CDKAL1: variants seen among roughly 807,000 people sequenced by gnomAD.
CDKAL1 encodes the protein threonylcarbamoyladenosine tRNA methylthiotransferase.
Under a neutral mutation model 68.2 loss-of-function variants are expected in CDKAL1, and 32 were observed. That is an observed-to-expected ratio of 0.47 (90% CI 0.35 to 0.63). CDKAL1 has a LOEUF of 0.63. Ranked by LOEUF, CDKAL1 falls within the 30% of genes least tolerant of loss-of-function variation. The pLI is 0.00. For synonymous variants in CDKAL1, 234 were observed against 244.3 expected, an observed-to-expected ratio of 0.96 and a Z score of 0.39; for missense variants, 606 against 696.7, an observed-to-expected ratio of 0.87 and a Z score of 1.47.
chr6:20,868,078 G>T (rs553460691), intron 9 of CDKAL1, among the ~76,000 whole-genome samples: 1 of 151,918 alleles, frequency 6.6e-6, no homozygotes, highest in South Asian at 2.1e-4. Context: ...CTTATATTGC[G>T]GTTTAATTAG....
intron 13 of CDKAL1, among the ~76,000 whole-genome samples, chr6:21,182,562 G>A (rs1441915109): frequency 2.6e-5 from 4 of 152,092 alleles, no homozygotes; most frequent in Admixed American, 6.6e-5. Flanking sequence ...TAAACTTCAC[G>A]CTGTCCTGTG....
chr6:20,720,579 T>C (rs941403822), intron 5 of CDKAL1, among the ~76,000 whole-genome samples: 1 of 151,830 alleles, frequency 6.6e-6, no homozygotes, highest in Non-Finnish European at 1.5e-5. Flanking sequence ...TGATCTCGGC[T>C]CACGGCAACC....
chr6:20,595,399 T>C (rs1765778289), intron 4 of CDKAL1, among the ~76,000 whole-genome samples: 1 of 152,134 alleles, frequency 6.6e-6, no homozygotes, highest in African/African-American at 2.4e-5. Context: ...AATAATGGGT[T>C]ATTTCATTAA....
At chr6:20,859,820 A>C (rs568820288) in intron 9 of CDKAL1, among the ~76,000 whole-genome samples, 1 of 152,178 alleles carries the variant, frequency 6.6e-6, no homozygotes, top group Non-Finnish European at 1.5e-5. Flanking sequence ...TTTCCATTCC[A>C]GATTCATCCT....
intron 10 of CDKAL1, among the ~76,000 whole-genome samples, chr6:20,979,705 T>C (rs1273445296): frequency 6.6e-6 from 1 of 152,086 alleles, no homozygotes; most frequent in Non-Finnish European, 1.5e-5. Flanking sequence ...TTGACACTTT[T>C]GTTTGCTGTT....
rs1008118491 is a variant in CDKAL1 at position 20,534,466 on chromosome 6, T to G, written c.-158T>G. ...GTCGCTGAGCATGCGCAAATAAACGTGGCGGGACGTATGTGTCATGGCGCT... is the reference window on the plus strand; with the variant it reads ...GTCGCTGAGCATGCGCAAATAAACGGGGCGGGACGTATGTGTCATGGCGCT... On this transcript the variant is annotated 5_prime_UTR_variant, in exon 1 of 16. Transcript: ENST00000274695. The G allele has an allele frequency of 5.9e-5, 9 of 152,892 alleles. No homozygotes were observed. The highest frequency in any genetic ancestry group is 2.2e-4 in the African/African-American group (9 of 41,560). The allele number at this position is 152,892 out of a possible 1,614,324, so 9.5% of individuals were successfully genotyped here.
In CDKAL1 at chr6:20,749,420, C is replaced by T. The variant is rs963145073; in HGVS notation, c.469-9175C>T. On this transcript the variant is annotated intron_variant, in intron 6 of 15. Coordinates refer to ENST00000274695, the MANE Select transcript of CDKAL1 (RefSeq NM_017774.3). Reference sequence around the variant, plus strand: ...TGTGCTTACTCTTCTGCCGGAGGTTCGCATTGATGCCTCTGTCAGTGGTTC... The same window carrying T: ...TGTGCTTACTCTTCTGCCGGAGGTTTGCATTGATGCCTCTGTCAGTGGTTC... Among the ~76,000 whole-genome samples, 7 of 152,154 alleles carry T rather than the reference C, an allele frequency of 4.6e-5. No homozygotes were observed. The East Asian group carries it at 5.8e-4, about 13-fold the overall frequency.
intron 4 of CDKAL1, among the ~76,000 whole-genome samples, chr6:20,629,045 C>T (rs1767557395): frequency 6.6e-6 from 1 of 152,166 alleles, no homozygotes; most frequent in South Asian, 2.1e-4. Context: ...CTTCATTCAT[C>T]TTATTCCCTT....
rs539356071 is a variant in CDKAL1 at position 20,548,015 on chromosome 6, G to A, written c.174-578G>A. ...AGGAGTTGAACTTAGTAAGTTAGTA[G>A]TATGAATTTAAAATGCAATTCAGAG... On this transcript the variant is annotated intron_variant, in intron 3 of 15. Transcript: ENST00000274695. Among the ~76,000 whole-genome samples the A allele has an allele frequency of 1.1e-4, 17 of 152,234 alleles. No individual in the cohort carries two copies. In the East Asian group the frequency reaches 3.3e-3, roughly 29 times the overall value.
intron 12 of CDKAL1, among the ~76,000 whole-genome samples, chr6:21,074,322 A>G (rs1428318592): frequency 6.6e-6 from 1 of 152,080 alleles, no homozygotes; most frequent in Non-Finnish European, 1.5e-5. Context: ...CTGTCTTTAC[A>G]TGGCTGTTTT....
intron 12 of CDKAL1, among the ~76,000 whole-genome samples, chr6:21,067,471 G>T (rs1364097847): frequency 6.6e-6 from 1 of 152,140 alleles, no homozygotes; most frequent in African/African-American, 2.4e-5. Flanking sequence ...TATTAGCCGG[G>T]CGTGGTGGTG....
At chr6:21,212,268 C>G (rs1366024639) in intron 15 of CDKAL1, among the ~76,000 whole-genome samples, 1 of 152,072 alleles carries the variant, frequency 6.6e-6, no homozygotes, top group African/African-American at 2.4e-5. Context: ...GGCAGGGAAC[C>G]TACATGATAG....
chr6:20,937,860 GT>G (rs34741537), intron 9 of CDKAL1, among the ~76,000 whole-genome samples: 105,408 of 140,962 alleles, frequency 0.75, 38,941 homozygotes, highest in East Asian at 0.87. Context: ...CTGTGAGGTG[GT>G]TTTTTTTTTT....
At chr6:20,813,967 C>A (rs1055728894) in intron 8 of CDKAL1, among the ~76,000 whole-genome samples, 4 of 151,890 alleles carry the variant, frequency 2.6e-5, no homozygotes, top group Non-Finnish European at 5.9e-5. Flanking sequence ...AAAAATGCCT[C>A]TTTTATTATT....
intron 12 of CDKAL1, among the ~76,000 whole-genome samples, chr6:21,101,619 T>A (rs1374056520): frequency 2.0e-5 from 3 of 152,128 alleles, no homozygotes; most frequent in African/African-American, 4.8e-5. Context: ...TGCTCATGAG[T>A]CCCAAGTCCT....
rs533279568 is a variant in CDKAL1 at position 20,930,115 on chromosome 6, TC to T, written c.743-25303del. The stretch of plus-strand genomic sequence containing the variant: ...AGAAAAGCTGCATTAAAACAACAAA[TC>T]TAATTTTAAAAACACTTAGTGAGCT... On this transcript the variant is annotated intron_variant, in intron 9 of 15. Transcript: ENST00000274695. 1.4e-3 allele frequency among the ~76,000 whole-genome samples: 218 copies of T among 152,282 alleles called. 1 individual carries two copies. Among genetic ancestry groups the T allele is most frequent in the African/African-American group, 4.8e-3 (198 of 41,560 alleles).
At chr6:21,014,978 T>G (rs750425224) in intron 11 of CDKAL1, among the ~76,000 whole-genome samples, 14 of 152,222 alleles carry the variant, frequency 9.2e-5, no homozygotes, top group Non-Finnish European at 1.8e-4. Context: ...ATTCTAGATT[T>G]CCTTATTGTA....
intron 7 of CDKAL1, among the ~76,000 whole-genome samples, chr6:20,764,757 T>C (rs1375280958): frequency 1.3e-5 from 2 of 152,170 alleles, no homozygotes; most frequent in African/African-American, 2.4e-5. Flanking sequence ...TGGGAGGGTA[T>C]TGGACCACAA....
chr6:20,611,119 C>T (rs1766599301), intron 4 of CDKAL1, among the ~76,000 whole-genome samples: 2 of 152,020 alleles, frequency 1.3e-5, no homozygotes, highest in Admixed American at 1.3e-4. Flanking sequence ...TTTCATTTTT[C>T]AAAAACTTTT....
Sources: allele counts gnomAD v4.1 joint callset (sites outside exome capture counted in the v4.1 genomes callset), GRCh38; gene constraint gnomAD v4.1.1; transcripts MANE v1.5; gene names NCBI Gene and HGNC (gene_info 2026-07-23, HGNC 2026-07-21).